ELMO2: variants seen among roughly 807,000 people sequenced by gnomAD.
The protein encoded by ELMO2 is engulfment and cell motility 2.
In ELMO2, 37 loss-of-function variants were observed where a neutral mutation model predicts 96.2. The ratio of observed to expected loss-of-function variants is 0.38; its 90% CI spans 0.30 to 0.51. The LOEUF (loss-of-function observed/expected upper bound fraction) is 0.51, where lower values mean the gene tolerates loss of function less well. ELMO2 is among the 20% of genes least tolerant of loss of function. ELMO2 has a pLI of 0.88. For missense variants in ELMO2, 561 were observed against 912.6 expected, an observed-to-expected ratio of 0.61 and a Z score of 4.96; for synonymous variants, 315 against 329.4, an observed-to-expected ratio of 0.96 and a Z score of 0.47.
At chr20:46,376,899 A>G in intron 11 of ELMO2, 2 of 1,139,898 alleles carry the variant, frequency 1.8e-6, no homozygotes, top group Non-Finnish European at 2.2e-6. Flanking sequence ...TTAAGTTGAA[A>G]ATTTGGTTCC....
At chr20:46,393,051 T>C (rs751871030) in intron 6 of ELMO2, 42 bp downstream of exon 6, 15 of 1,581,500 alleles carry the variant, frequency 9.5e-6, no homozygotes, top group Non-Finnish European at 1.3e-5. Context: ...CTCATATTTG[T>C]TTGTGACATG....
intron 10 of ELMO2, among the ~76,000 whole-genome samples, chr20:46,382,040 T>A (rs2059965864): frequency 6.6e-6 from 1 of 152,242 alleles, no homozygotes; most frequent in African/African-American, 2.4e-5. Context: ...GACTCTAATC[T>A]GCAGTACTTC....
intron 6 of ELMO2, among the ~76,000 whole-genome samples, chr20:46,392,086 C>T (rs1353767340): frequency 6.6e-6 from 1 of 152,204 alleles, no homozygotes; most frequent in African/African-American, 2.4e-5. Context: ...TGTCCTCTAA[C>T]CTCCCAAGTC....
chr20:46,369,959 GGGGTGTGTGTGTGTGTGTGT>G (rs1187950923), intron 20 of ELMO2: 57 of 251,130 alleles, frequency 2.3e-4, no homozygotes, highest in Non-Finnish European at 3.1e-4. Context: ...GATGGGTATG[GGGGTGTGTGTGTGTGTGTGT>G]GTGTGTGTGT....
intron 8 of ELMO2, 148 bp from the exon 9 acceptor site, chr20:46,386,423 C>G (rs1396249828): frequency 9.6e-7 from 1 of 1,043,874 alleles, no homozygotes; most frequent in Non-Finnish European, 1.4e-6. Flanking sequence ...TTACGGCTAC[C>G]CTGGCCAATG....
Position 46,367,209 on chromosome 20 carries a change from G to T in ELMO2, c.*151C>A. The T allele has an allele frequency of 1.4e-6, 1 of 692,950 alleles. No individual in the cohort carries two copies. Among genetic ancestry groups the T allele is most frequent in the Non-Finnish European group, 2.2e-6 (1 of 446,540 alleles). 42.9% of individuals were successfully genotyped at this position (692,950 alleles called of 1,614,324 possible). A position where few individuals can be genotyped will look rare whatever the true frequency, so the allele number is the denominator to read the frequency against. ...AGGGACCAAGAGGAAACTCTGGGTG[G>T]TCCGAGGTGGGTTTGAGAAATGGCT... On this transcript the variant is annotated 3_prime_UTR_variant, in exon 22 of 22. Transcript: ENST00000290246.
intron 16 of ELMO2, among the ~76,000 whole-genome samples, chr20:46,372,362 C>A (rs1352371392): frequency 1.3e-5 from 2 of 152,178 alleles, no homozygotes; most frequent in East Asian, 3.8e-4. Flanking sequence ...ATATGAGATA[C>A]CAGCCGGTTG....
intron 1 of ELMO2, among the ~76,000 whole-genome samples, chr20:46,403,702 T>C (rs993049771): frequency 6.6e-6 from 1 of 152,204 alleles, no homozygotes; most frequent in African/African-American, 2.4e-5. Context: ...ATCCTGAAGA[T>C]GAAGGCTATG....
chr20:46,383,087 C>T (rs954353972), intron 10 of ELMO2, among the ~76,000 whole-genome samples: 1 of 152,092 alleles, frequency 6.6e-6, no homozygotes, highest in Non-Finnish European at 1.5e-5. Flanking sequence ...ACCTACTGGC[C>T]GAGGCTGCTT....
At position 46,380,283 on chromosome 20, in the gene ELMO2, T is replaced by C. The variant is rs781497691; in HGVS notation, c.777A>G (p.Ala259=). ...DKRQDMANAF[A]QKHLRSIILN... is the part of the protein sequence containing the mutation. ...GGATTATAGACCGGAGATGCTTCTG[T>C]GCAAATGCATTTGCCATATCCTGTG... The change falls in exon 11 of 22, where the codon GCA becomes GCG. Residue 259 remains alanine (A), a synonymous_variant. Coordinates refer to ENST00000290246, the MANE Select transcript of ELMO2 (RefSeq NM_133171.5). The C allele has an allele frequency of 1.9e-6, 3 of 1,613,782 alleles. No individual in the cohort carries two copies. The highest frequency in any genetic ancestry group is 3.3e-5 in the Admixed American group (2 of 60,026).
At chr20:46,400,529 G>C (rs1316605010) in intron 1 of ELMO2, among the ~76,000 whole-genome samples, 4 of 152,228 alleles carry the variant, frequency 2.6e-5, no homozygotes, top group African/African-American at 9.6e-5. Flanking sequence ...CAGCATAAGG[G>C]AGCTGTAGTT....
In ELMO2 at chr20:46,383,520, A is replaced by T. The variant is rs375937340; in HGVS notation, c.678-26T>A. 95 of 1,597,394 alleles carry T rather than the reference A, an allele frequency of 5.9e-5. 1 individual carries two copies. Among genetic ancestry groups the T allele is most frequent in the Admixed American group, 1.2e-4 (7 of 59,982 alleles). Reference sequence around the variant, plus strand: ...CTGTGTCAATGGAGAAAGAAGAGAGAGGGAGATTAGAAGACTGAACAGCAA... The same window carrying T: ...CTGTGTCAATGGAGAAAGAAGAGAGTGGGAGATTAGAAGACTGAACAGCAA... On this transcript the variant is annotated intron_variant, in intron 9 of 21. Coordinates refer to ENST00000290246, the MANE Select transcript of ELMO2 (RefSeq NM_133171.5).
At position 46,366,099 on chromosome 20, in the gene ELMO2, T is replaced by C. The variant is rs2059581009; in HGVS notation, c.*1261A>G. Reference sequence around the variant, plus strand: ...GAAAACATGGTTACTGACAGGAAGCTCCTGGCTGCTCTCTGGTTACAATCT... The same window carrying C: ...GAAAACATGGTTACTGACAGGAAGCCCCTGGCTGCTCTCTGGTTACAATCT... On this transcript the variant is annotated 3_prime_UTR_variant, in exon 22 of 22. Coordinates refer to ENST00000290246, the MANE Select transcript of ELMO2 (RefSeq NM_133171.5). 1.3e-5 allele frequency: 2 copies of C among 152,660 alleles called. No homozygotes were observed. Among genetic ancestry groups the C allele is most frequent in the African/African-American group, 4.8e-5 (2 of 41,444 alleles). The allele number at this position is 152,660 out of a possible 1,614,324, so 9.5% of individuals were successfully genotyped here.
In ELMO2 at chr20:46,366,213, T is replaced by C. The variant is rs1313688134; in HGVS notation, c.*1147A>G. On this transcript the variant is annotated 3_prime_UTR_variant, in exon 22 of 22. Transcript: ENST00000290246. The stretch of plus-strand genomic sequence containing the variant: ...TCCATCCTAAGATAGGTAGATCTTA[T>C]ATAAATATATATACACGTCTGTATA... 6.5e-6 allele frequency: 1 copy of C among 152,678 alleles called. No homozygotes were observed. Among genetic ancestry groups the C allele is most frequent in the East Asian group, 1.9e-4 (1 of 5,206 alleles). The allele number at this position is 152,678 out of a possible 1,614,324, so 9.5% of individuals were successfully genotyped here.
chr20:46,393,612 G>C lies in ELMO2; in HGVS notation c.120-11C>G, dbSNP rs1358449594. 5.6e-6 allele frequency: 9 copies of C among 1,612,946 alleles called. No homozygotes were observed. The Admixed American group carries it at 6.7e-5, about 12-fold the overall frequency. ...TTTGGCAACGACCACCTATGCAAGAGAAAAACAGTATATCCCACTTGGCCA... is the reference window on the plus strand; with the variant it reads ...TTTGGCAACGACCACCTATGCAAGACAAAAACAGTATATCCCACTTGGCCA... On this transcript the variant is annotated splice_polypyrimidine_tract_variant and intron_variant, in intron 4 of 21. Coordinates refer to ENST00000290246, the MANE Select transcript of ELMO2 (RefSeq NM_133171.5).
rs1180131349 is a variant in ELMO2 at position 46,371,814 on chromosome 20, C to T, written c.1572G>A (p.Pro524=). ...CCTGAGATGGAACTTACACAATTGGCGGGGACTGGAAGTCATCCTGACTCA... is the reference window on the plus strand; with the variant it reads ...CCTGAGATGGAACTTACACAATTGGTGGGGACTGGAAGTCATCCTGACTCA... ...ERMSQDDFQS[P]PIVELREKIQ... Residue 524 remains proline, a synonymous_variant, in exon 17 of 22, where the codon CCG becomes CCA. Transcript: ENST00000290246. This position sits in a 1 kb window ranked among gnomAD's most constrained non-coding sequence, Gnocchi z 5.9. 5 of 1,614,154 alleles carry T rather than the reference C, an allele frequency of 3.1e-6. No individual in the cohort carries two copies. Among genetic ancestry groups the T allele is most frequent in the East Asian group, 2.2e-5 (1 of 44,884 alleles).
At position 46,366,147 on chromosome 20, in the gene ELMO2, C is replaced by T. The variant is rs989400338; in HGVS notation, c.*1213G>A. The T allele has an allele frequency of 6.5e-6, 1 of 152,696 alleles. No individual in the cohort carries two copies. The highest frequency in any genetic ancestry group is 1.9e-4 in the East Asian group (1 of 5,204). The allele number at this position is 152,696 out of a possible 1,614,324, so 9.5% of individuals were successfully genotyped here. On this transcript the variant is annotated 3_prime_UTR_variant, in exon 22 of 22. Transcript: ENST00000290246. Reference sequence around the variant, plus strand: ...TCTTGGCTCACAACTGGAAGTGTTACATACTTTTTACTTCCCCTCAATTTT... The same window carrying T: ...TCTTGGCTCACAACTGGAAGTGTTATATACTTTTTACTTCCCCTCAATTTT...
At position 46,399,830 on chromosome 20, in the gene ELMO2, TC is replaced by T. The variant is rs1329365299; in HGVS notation, c.-125-1060del. 3.9e-5 allele frequency among the ~76,000 whole-genome samples: 6 copies of T among 152,218 alleles called. No individual in the cohort carries two copies. In the South Asian group the frequency reaches 6.2e-4, roughly 16 times the overall value. ...CAGGCTGTCTGGTGTTCCCTCTGCG[TC>T]CCAATACCCTCTAACTACACAGTAT... On this transcript the variant is annotated intron_variant, in intron 1 of 21. Coordinates refer to ENST00000290246, the MANE Select transcript of ELMO2 (RefSeq NM_133171.5).
At chr20:46,378,600 G>A (rs2145791368) in intron 11 of ELMO2, among the ~76,000 whole-genome samples, 1 of 152,314 alleles carries the variant, frequency 6.6e-6, no homozygotes, top group East Asian at 1.9e-4. Context: ...TGTGACCAGG[G>A]AAGCAGCCAG....
Sources: gnomAD v4.1 joint callset for allele counts (sites outside exome capture counted in the v4.1 genomes callset) on GRCh38, gnomAD v4.1.1 for gene constraint, Gnocchi (gnomAD v3.1) non-coding constraint, MANE v1.5 for transcripts, NCBI Gene and HGNC (gene_info 2026-07-23, HGNC 2026-07-21) for gene names.